The following NLRP7 variants were observed in gnomAD, a reference collection of about 807,000 sequenced individuals.
NLRP7 encodes the protein NACHT, LRR and PYD domains-containing protein 7.
Under a neutral mutation model 85.5 loss-of-function variants are expected in NLRP7, and 72 were observed. That is an observed-to-expected ratio of 0.84 (90% CI 0.70 to 1.02). The LOEUF is 1.02. Among genes scored for constraint, NLRP7 ranks in the 50% least tolerant of loss-of-function variants. The probability of loss-of-function intolerance (pLI) is 0.00; values close to 1 mark genes in which losing one functional copy is unlikely to be tolerated. For synonymous variants in NLRP7, 550 were observed against 505.2 expected, an observed-to-expected ratio of 1.09 and a Z score of -1.19; for missense variants, 1,243 against 1,219.5, an observed-to-expected ratio of 1.02 and a Z score of -0.29.
chr19:54,964,115 G>C (rs1410506527), intron 1 of NLRP7, among the ~76,000 whole-genome samples: 2 of 150,356 alleles, frequency 1.3e-5, no homozygotes, highest in African/African-American at 2.4e-5. Context: ...TCCTGACCTC[G>C]TGATCCACCC....
chr19:54,965,224 A>G (rs1430886175), intron 1 of NLRP7: 1 of 95,698 alleles, frequency 1.0e-5, no homozygotes, highest in Non-Finnish European at 2.2e-5. Flanking sequence ...CCCCCAAAAG[A>G]CCTCTCAGTA....
chr19:54,942,549 C>A (rs547731332), intron 1 of NLRP7, among the ~76,000 whole-genome samples: 38 of 143,152 alleles, frequency 2.7e-4, no homozygotes, highest in African/African-American at 9.7e-4. Context: ...CACGGCGAAA[C>A]CCCATCTCTA....
intron 4 of NLRP7, 64 bp downstream of exon 4, chr19:54,938,824 C>A: frequency 6.4e-7 from 1 of 1,571,714 alleles, no homozygotes; most frequent in South Asian, 1.1e-5. Flanking sequence ...TGACAGTAAG[C>A]GACAGGGCAA....
intron 9 of NLRP7, 26 bp downstream of exon 9, chr19:54,930,473 G>GA: frequency 6.5e-7 from 1 of 1,543,380 alleles, no homozygotes; most frequent in Admixed American, 1.7e-5. Context: ...AAAAAAGAAA[G>GA]AAAGAAGAAA....
intron 9 of NLRP7, among the ~76,000 whole-genome samples, chr19:54,926,800 T>C (rs1310582526): frequency 2.7e-5 from 4 of 150,608 alleles, no homozygotes; most frequent in East Asian, 2.0e-4. Context: ...ACTGTAATCC[T>C]AGCTACTCAG....
Position 54,933,562 on chromosome 19 carries a change from G to A in NLRP7, c.2642+7C>T. 6.2e-7 allele frequency: 1 copy of A among 1,614,048 alleles called. No individual in the cohort carries two copies. Among genetic ancestry groups the A allele is most frequent in the Non-Finnish European group, 8.5e-7 (1 of 1,179,956 alleles). The stretch of plus-strand genomic sequence containing the variant: ...TGCACACACACACACACCCAGCAGG[G>A]ACTTACACCAAGGTCTGCAGTTTAC... On this transcript the variant is annotated splice_region_variant and intron_variant, in intron 8 of 9. Transcript: ENST00000340844.
In NLRP7 at chr19:54,943,488, C is replaced by G. The variant is rs377001387; in HGVS notation, c.-39-1738G>C. Among the ~76,000 whole-genome samples, 302 of 149,746 alleles carry G rather than the reference C, an allele frequency of 2.0e-3. 3 individuals are homozygous for G. The highest frequency in any genetic ancestry group is 7.1e-3 in the African/African-American group (288 of 40,738). On this transcript the variant is annotated intron_variant, in intron 1 of 9. Transcript: ENST00000340844. ...TGGTGGCGGGCGCCTGTAGTCCCAG[C>G]TACTCGGGAGGCTGAGGCAGGAGAA...
intron 1 of NLRP7, among the ~76,000 whole-genome samples, chr19:54,960,468 A>C (rs2070003687): frequency 6.6e-6 from 1 of 151,562 alleles, no homozygotes; most frequent in Non-Finnish European, 1.5e-5. Flanking sequence ...AAGTCTGTTT[A>C]AATCCATCCT....
intron 1 of NLRP7, among the ~76,000 whole-genome samples, chr19:54,942,764 C>T (rs553819858): frequency 3.5e-4 from 54 of 152,136 alleles, no homozygotes; most frequent in Non-Finnish European, 5.6e-4. Context: ...AAGACTTCCT[C>T]GCCACCAACC....
At chr19:54,936,679 C>A (rs950732367) in intron 5 of NLRP7, among the ~76,000 whole-genome samples, 1 of 151,892 alleles carries the variant, frequency 6.6e-6, no homozygotes. Context: ...TTAGCTGGGG[C>A]CGAGGCAGGC....
chr19:54,931,871 G>A (rs2068695952), intron 8 of NLRP7, among the ~76,000 whole-genome samples: 1 of 151,388 alleles, frequency 6.6e-6, no homozygotes, highest in Admixed American at 6.6e-5. Context: ...CATCCAAATG[G>A]CCTTCTGATT....
intron 1 of NLRP7, among the ~76,000 whole-genome samples, chr19:54,943,236 C>T (rs1439608409): frequency 1.3e-5 from 2 of 151,830 alleles, no homozygotes; most frequent in Non-Finnish European, 2.9e-5. Flanking sequence ...TTTGAGCCTA[C>T]GATTTGGAGG....
chr19:54,955,374 AAG>A (rs1484414683), intron 1 of NLRP7, among the ~76,000 whole-genome samples: 1 of 152,152 alleles, frequency 6.6e-6, no homozygotes. Flanking sequence ...CTTCTTTAGG[AAG>A]AGCAGCCTTG....
intron 1 of NLRP7, among the ~76,000 whole-genome samples, chr19:54,954,061 A>C (rs533787494): frequency 2.7e-5 from 4 of 147,714 alleles, no homozygotes; most frequent in Admixed American, 2.0e-4. Flanking sequence ...ACTCCATCAA[A>C]ACCAAGATAG....
At chr19:54,942,447 G>T (rs2069274909) in intron 1 of NLRP7, among the ~76,000 whole-genome samples, 1 of 151,860 alleles carries the variant, frequency 6.6e-6, no homozygotes, top group Non-Finnish European at 1.5e-5. Flanking sequence ...AACACGGCAG[G>T]GCGCGGTGGC....
rs2068803105 is a variant in NLRP7, at chr19:54,934,337, G to C, written c.2471+152C>G. On this transcript the variant is annotated intron_variant, in intron 7 of 9. Coordinates refer to ENST00000340844, the Ensembl canonical transcript of NLRP7. This position sits in a 1 kb window ranked among gnomAD's most constrained non-coding sequence, Gnocchi z 6.7. ...GATGATCCGCCCACCTCTCTGCTGA[G>C]ATTACAGGCAGGAGCCACCGTGCCG... The C allele has an allele frequency of 1.2e-6, 1 of 804,258 alleles. No homozygotes were observed. The highest frequency in any genetic ancestry group is 1.8e-5 in the Admixed American group (1 of 55,730). 49.8% of individuals were successfully genotyped at this position (804,258 alleles called of 1,614,324 possible). A position where few individuals can be genotyped will look rare whatever the true frequency, so the allele number is the denominator to read the frequency against.
chr19:54,935,599 G>GGTA (rs1296175137), intron 6 of NLRP7, among the ~76,000 whole-genome samples: 4 of 86,340 alleles, frequency 4.6e-5, no homozygotes, highest in East Asian at 5.8e-4. Flanking sequence ...GGGAAGCTGA[G>GGTA]GCAGAACTGC....
upstream of NLRP7, among the ~76,000 whole-genome samples, chr19:54,950,235 TCC>T: frequency 6.6e-6 from 1 of 151,742 alleles, no homozygotes; most frequent in East Asian, 1.9e-4. Flanking sequence ...CCTCTAAACC[TCC>T]CCCTACGCAT....
intron 5 of NLRP7, 147 bp downstream of exon 5, chr19:54,937,897 C>T (rs2069006094): frequency 3.1e-6 from 2 of 639,216 alleles, no homozygotes; most frequent in Admixed American, 5.8e-5. Context: ...ATCTCCGTCT[C>T]ACCAAAAAAA....
Sources: gnomAD v4.1 joint callset for allele counts (sites outside exome capture counted in the v4.1 genomes callset) on GRCh38, gnomAD v4.1.1 for gene constraint, Gnocchi (gnomAD v3.1) non-coding constraint, MANE v1.5 for transcripts, NCBI Gene and HGNC (gene_info 2026-07-23, HGNC 2026-07-21) for gene names.